Variants in NEK11 observed in about 807,000 individuals in gnomAD.
NEK11 encodes the protein NIMA related kinase 11.
Under a neutral mutation model 80.7 loss-of-function variants are expected in NEK11, and 72 were observed. The observed-to-expected ratio is 0.89, with a 90% confidence interval of 0.74 to 1.08. The LOEUF is 1.08. Ranked by LOEUF, NEK11 falls within the 50% of genes least tolerant of loss-of-function variation. The probability of loss-of-function intolerance (pLI) is 0.00; values close to 1 mark genes in which losing one functional copy is unlikely to be tolerated. For synonymous variants in NEK11, 251 were observed against 260.7 expected, an observed-to-expected ratio of 0.96 and a Z score of 0.36; for missense variants, 764 against 763.6, an observed-to-expected ratio of 1.00 and a Z score of -0.01.
chr3:131,039,335 C>A (rs1277093981), intron 3 of NEK11, among the ~76,000 whole-genome samples: 1 of 152,166 alleles, frequency 6.6e-6, no homozygotes, highest in Non-Finnish European at 1.5e-5. Flanking sequence ...CTTTAATTTC[C>A]TGACCCCAAA....
chr3:131,299,655 G>T (rs1405307959), intron 17 of NEK11, among the ~76,000 whole-genome samples: 2 of 152,084 alleles, frequency 1.3e-5, no homozygotes, highest in Non-Finnish European at 2.9e-5. Context: ...GTGTTAGCTT[G>T]CTTAGGATAA....
intron 14 of NEK11, among the ~76,000 whole-genome samples, chr3:131,207,877 A>C (rs1243647989): frequency 6.6e-6 from 1 of 152,170 alleles, no homozygotes; most frequent in Non-Finnish European, 1.5e-5. Flanking sequence ...CCTTTGTCAG[A>C]TGGGTAGATT....
intron 3 of NEK11, among the ~76,000 whole-genome samples, chr3:131,078,734 TA>T (rs1256617191): frequency 2.0e-5 from 3 of 152,012 alleles, no homozygotes; most frequent in Non-Finnish European, 2.9e-5. Context: ...GGTACTTGGT[TA>T]AAAAAAGGAA....
chr3:131,198,289 A>G (rs755349429), intron 14 of NEK11, among the ~76,000 whole-genome samples: 3 of 152,194 alleles, frequency 2.0e-5, no homozygotes, highest in Non-Finnish European at 4.4e-5. Context: ...GGGATCAGTC[A>G]AGGGACCCTC....
At chr3:131,315,629 T>C (rs1428107705) in intron 17 of NEK11, among the ~76,000 whole-genome samples, 1 of 151,860 alleles carries the variant, frequency 6.6e-6, no homozygotes, top group African/African-American at 2.4e-5. Flanking sequence ...TGTGCCATGG[T>C]GGTTTGCTGC....
chr3:131,093,460 G>C (rs1340114086), intron 4 of NEK11, among the ~76,000 whole-genome samples: 1 of 151,692 alleles, frequency 6.6e-6, no homozygotes, highest in African/African-American at 2.4e-5. Context: ...GTCTCGCTCT[G>C]TCTGTCAGGC....
At chr3:131,156,395 T>C (rs1275742527) in intron 10 of NEK11, among the ~76,000 whole-genome samples, 1 of 152,194 alleles carries the variant, frequency 6.6e-6, no homozygotes. Context: ...TCTATAGTAT[T>C]GGGTCCTAAC....
At chr3:131,048,963 A>G (rs543214735) in intron 3 of NEK11, among the ~76,000 whole-genome samples, 1 of 152,192 alleles carries the variant, frequency 6.6e-6, no homozygotes. Flanking sequence ...GTACAGAAGC[A>G]CTGTAAGGAG....
intron 17 of NEK11, among the ~76,000 whole-genome samples, chr3:131,297,704 T>C (rs1020507515): frequency 6.6e-6 from 1 of 151,420 alleles, no homozygotes; most frequent in African/African-American, 2.4e-5. Context: ...TTTGTTGCCA[T>C]TGCTTTTGGT....
At chr3:131,215,336 T>G (rs184174431) in intron 14 of NEK11, among the ~76,000 whole-genome samples, 11 of 151,520 alleles carry the variant, frequency 7.3e-5, no homozygotes, top group African/African-American at 2.7e-4. Flanking sequence ...GACGAGTTAA[T>G]GGGTGCAGCA....
At position 131,208,437 on chromosome 3, in the gene NEK11, A is replaced by G. The variant is rs573549060; in HGVS notation, c.1400-20091A>G. ...TGTTCTTTTGGCTTAGGATTGTCTTAGCAATGTGGGCTCTTTTTTGGTTCC... is the reference window on the plus strand; with the variant it reads ...TGTTCTTTTGGCTTAGGATTGTCTTGGCAATGTGGGCTCTTTTTTGGTTCC... On this transcript the variant is annotated intron_variant, in intron 14 of 17. Coordinates refer to ENST00000383366, the MANE Select transcript of NEK11 (RefSeq NM_024800.5). 1.4e-4 allele frequency among the ~76,000 whole-genome samples: 22 copies of G among 152,228 alleles called. No homozygotes were observed. In the East Asian group the frequency reaches 3.9e-3, roughly 27 times the overall value.
intron 17 of NEK11, chr3:131,327,789 G>A (rs1243605309): frequency 6.8e-6 from 1 of 147,826 alleles, no homozygotes; most frequent in African/African-American, 2.5e-5. Context: ...TCTCTTTTCT[G>A]ACACCCACCT....
rs1553961341 is a variant in NEK11 at position 131,245,301 on chromosome 3, T to TTA, written c.1621+1806_1621+1807insAT. Among the ~76,000 whole-genome samples the TTA allele has an allele frequency of 2.8e-5, 4 of 140,736 alleles. No homozygotes were observed. The Admixed American group carries it at 2.8e-4, about 10-fold the overall frequency. 92.3% of individuals were successfully genotyped at this position (140,736 alleles called of 152,430 possible). A position where few individuals can be genotyped will look rare whatever the true frequency, so the allele number is the denominator to read the frequency against. On this transcript the variant is annotated intron_variant, in intron 16 of 17. Coordinates refer to ENST00000383366, the MANE Select transcript of NEK11 (RefSeq NM_024800.5). ...TTTTTTGTGGTTGAATAGTATTCCA[T>TTA]TGTGTGTGTGTGTGTGTGTGTGTGT... is the stretch of plus-strand genomic sequence containing the variant.
intron 17 of NEK11, among the ~76,000 whole-genome samples, chr3:131,290,264 T>C (rs960397046): frequency 6.6e-6 from 1 of 152,234 alleles, no homozygotes; most frequent in Non-Finnish European, 1.5e-5. Context: ...TGTGTGGTCC[T>C]GACTTACATC....
intron 15 of NEK11, among the ~76,000 whole-genome samples, chr3:131,238,773 T>C (rs537256606): frequency 9.9e-5 from 15 of 152,104 alleles, no homozygotes; most frequent in Non-Finnish European, 2.1e-4. Context: ...AAAAAGATCA[T>C]AGTGAGCAAA....
At chr3:131,104,944 C>T (rs1201351574) in intron 4 of NEK11, among the ~76,000 whole-genome samples, 1 of 152,210 alleles carries the variant, frequency 6.6e-6, no homozygotes, top group African/African-American at 2.4e-5. Flanking sequence ...TCTGGCTCTG[C>T]ACCAATCCTG....
At position 131,165,448 on chromosome 3, in the gene NEK11, G is replaced by T. The variant is rs1461763180; in HGVS notation, c.1105G>T (p.Glu369Ter). The T allele has an allele frequency of 6.2e-7, 1 of 1,611,260 alleles. No homozygotes were observed. Reference protein sequence around the residue: ...KLKKIVEEKYEENSKRMQELR... With the variant: ...KLKKIVEEKY Reference sequence around the variant, plus strand: ...CAGAAAGATTGTGGAAGAAAAATATGAAGAAAATAGCAAACGAATGCAAGA... The same window carrying T: ...CAGAAAGATTGTGGAAGAAAAATATTAAGAAAATAGCAAACGAATGCAAGA... Residue 369 changes from glutamate to a stop codon, truncating the protein, a stop_gained, in exon 12 of 18, where the codon GAA becomes TAA. Transcript: ENST00000383366. LOFTEE classifies it high-confidence loss of function.
At chr3:131,291,929 C>A (rs149783389) in intron 17 of NEK11, among the ~76,000 whole-genome samples, 1 of 152,142 alleles carries the variant, frequency 6.6e-6, no homozygotes, top group East Asian at 1.9e-4. Flanking sequence ...TTTCACAGAG[C>A]GGTCCAGATT....
intron 17 of NEK11, among the ~76,000 whole-genome samples, chr3:131,312,254 G>T (rs542790282): frequency 6.6e-6 from 1 of 152,240 alleles, no homozygotes; most frequent in South Asian, 2.1e-4. Flanking sequence ...CCTCTTCAAG[G>T]TTTAATTTAG....
Sources: allele counts gnomAD v4.1 joint callset (sites outside exome capture counted in the v4.1 genomes callset), GRCh38; gene constraint gnomAD v4.1.1; transcripts MANE v1.5; gene names NCBI Gene and HGNC (gene_info 2026-07-23, HGNC 2026-07-21).